The following ACYP2 variants were observed in gnomAD, a reference collection of about 807,000 sequenced individuals.
ACYP2 encodes acylphosphatase 2, also known as acylphosphatase-2.
Under a neutral mutation model 11.2 loss-of-function variants are expected in ACYP2, and 12 were observed. The ratio of observed to expected loss-of-function variants is 1.08; its 90% CI spans 0.69 to 1.74. The LOEUF (loss-of-function observed/expected upper bound fraction) is 1.74, where lower values mean the gene tolerates loss of function less well. Ranked by LOEUF, ACYP2 falls within the 40% of genes most tolerant of loss-of-function variation. ACYP2 has a pLI of 0.00. For missense variants in ACYP2, 134 were observed against 101.9 expected (o/e 1.31, Z -1.35); for synonymous variants, 43 against 32.2 (o/e 1.33, Z -1.13).
intron 6 of ACYP2, among the ~76,000 whole-genome samples, chr2:54,210,859 T>C (rs957782624): frequency 2.0e-5 from 3 of 152,148 alleles, no homozygotes; most frequent in East Asian, 3.8e-4. Context: ...CTTCATTAAA[T>C]AGGCATCTGA....
At chr2:54,009,577 AAAT>A (rs749127700) in intron 2 of ACYP2, among the ~76,000 whole-genome samples, 1 of 152,088 alleles carries the variant, frequency 6.6e-6, no homozygotes, top group African/African-American at 2.4e-5. Context: ...TCTGTCTCAA[AAAT>A]AATAATAATA....
chr2:54,007,833 C>G (rs770919610), intron 2 of ACYP2, among the ~76,000 whole-genome samples: 1 of 151,912 alleles, frequency 6.6e-6, no homozygotes, highest in Non-Finnish European at 1.5e-5. Context: ...CCACTGCAGT[C>G]CAGCCTGGGT....
intron 6 of ACYP2, among the ~76,000 whole-genome samples, chr2:54,168,767 TAAAAC>T (rs1450604297): frequency 6.6e-6 from 1 of 152,210 alleles, no homozygotes; most frequent in African/African-American, 2.4e-5. Flanking sequence ...AAATGGATGA[TAAAAC>T]AGGAAGACTG....
At chr2:54,124,675 C>T (rs886333781) in intron 4 of ACYP2, among the ~76,000 whole-genome samples, 1 of 152,040 alleles carries the variant, frequency 6.6e-6, no homozygotes, top group Non-Finnish European at 1.5e-5. Context: ...TGTATTGTTA[C>T]CATTCATAGT....
chr2:54,046,758 A>T (rs1007156163), intron 2 of ACYP2, among the ~76,000 whole-genome samples: 1 of 152,092 alleles, frequency 6.6e-6, no homozygotes, highest in Non-Finnish European at 1.5e-5. Context: ...ATGCCTCACT[A>T]TTACCATCTT....
chr2:54,124,181 A>G (rs549484610), intron 4 of ACYP2, among the ~76,000 whole-genome samples: 164 of 152,076 alleles, frequency 1.1e-3, no homozygotes, highest in African/African-American at 3.7e-3. Flanking sequence ...AATTTCTATT[A>G]AGTTCATATT....
chr2:54,072,487 T>TTTTC (rs774849991), intron 4 of ACYP2, among the ~76,000 whole-genome samples: 1 of 113,734 alleles, frequency 8.8e-6, no homozygotes, highest in African/African-American at 3.1e-5. Context: ...TTTCTTTCTT[T>TTTTC]TTTCTTTCTT....
At chr2:54,121,375 T>C (rs1490661467) in intron 4 of ACYP2, among the ~76,000 whole-genome samples, 1 of 152,172 alleles carries the variant, frequency 6.6e-6, no homozygotes, top group African/African-American at 2.4e-5. Context: ...CTCACTCTGG[T>C]TGTGGACTCC....
intron 6 of ACYP2, among the ~76,000 whole-genome samples, chr2:54,174,464 C>T (rs1683351756): frequency 6.6e-6 from 1 of 152,176 alleles, no homozygotes; most frequent in African/African-American, 2.4e-5. Context: ...ATCATGTCAT[C>T]TGCAAATAGG....
intron 2 of ACYP2, among the ~76,000 whole-genome samples, chr2:53,991,784 T>G (rs1475680205): frequency 6.6e-6 from 1 of 152,046 alleles, no homozygotes; most frequent in Non-Finnish European, 1.5e-5. Flanking sequence ...TTTTTAAGTT[T>G]TTTATATTTA....
intron 4 of ACYP2, among the ~76,000 whole-genome samples, chr2:54,068,218 G>A (rs529138429): frequency 2.0e-5 from 3 of 152,172 alleles, no homozygotes; most frequent in Non-Finnish European, 4.4e-5. Flanking sequence ...ATTTGAGAGA[G>A]GAACTGGGTT....
At chr2:54,094,512 A>G (rs1303137116) in intron 4 of ACYP2, among the ~76,000 whole-genome samples, 3 of 151,604 alleles carry the variant, frequency 2.0e-5, no homozygotes, top group African/African-American at 7.3e-5. Context: ...TACAGGTGTG[A>G]GCCACCATGC....
intron 6 of ACYP2, among the ~76,000 whole-genome samples, chr2:54,201,670 CTTTCTT>C (rs1558609120): frequency 4.8e-5 from 5 of 103,666 alleles, no homozygotes; most frequent in African/African-American, 1.5e-4. Flanking sequence ...TTCTTTCTTT[CTTTCTT>C]TCTTTCTCTC....
chr2:54,213,855 C>A (rs1241728673), intron 6 of ACYP2, among the ~76,000 whole-genome samples: 1 of 151,894 alleles, frequency 6.6e-6, no homozygotes, highest in African/African-American at 2.4e-5. Flanking sequence ...ATAGCCTCAA[C>A]CTCCCGGGCC....
chr2:54,176,703 G>T (rs1295273599), intron 6 of ACYP2, among the ~76,000 whole-genome samples: 1 of 152,094 alleles, frequency 6.6e-6, no homozygotes, highest in Non-Finnish European at 1.5e-5. Flanking sequence ...ACGATGACAT[G>T]CTTAGTTGCT....
At chr2:54,127,276 T>G (rs1459250324) in intron 4 of ACYP2, among the ~76,000 whole-genome samples, 1 of 152,190 alleles carries the variant, frequency 6.6e-6, no homozygotes, top group East Asian at 1.9e-4. Flanking sequence ...ACATGGAAAT[T>G]CATTCTGCAT....
At chr2:53,983,527 C>T (rs527287388) in intron 2 of ACYP2, among the ~76,000 whole-genome samples, 39 of 151,948 alleles carry the variant, frequency 2.6e-4, no homozygotes, top group African/African-American at 4.1e-4. Context: ...GAAAACAGTA[C>T]GAATGGAAGC....
At chr2:54,219,821 G>GTATATATATA (rs143249977) in intron 6 of ACYP2, among the ~76,000 whole-genome samples, 1 of 142,462 alleles carries the variant, frequency 7.0e-6, no homozygotes, top group Non-Finnish European at 1.5e-5. Flanking sequence ...TTGTGTATGT[G>GTATATATATA]TGTGTGTATA....
At chr2:54,214,717 G>A (rs1685486096) in intron 6 of ACYP2, among the ~76,000 whole-genome samples, 1 of 152,094 alleles carries the variant, frequency 6.6e-6, no homozygotes, top group Non-Finnish European at 1.5e-5. Context: ...TTCTGCTTAG[G>A]ATTGCTTTGG....
Sources: allele counts gnomAD v4.1 joint callset (sites outside exome capture counted in the v4.1 genomes callset), GRCh38; gene constraint gnomAD v4.1.1; transcripts MANE v1.5; gene names NCBI Gene and HGNC (gene_info 2026-07-23, HGNC 2026-07-21).